GABRB3: variants seen among roughly 807,000 people sequenced by gnomAD.
GABRB3 encodes gamma-aminobutyric acid type A receptor subunit beta3, also known as gamma-aminobutyric acid receptor subunit beta-3.
Under a neutral mutation model 52.1 loss-of-function variants are expected in GABRB3, and 14 were observed. The ratio of observed to expected loss-of-function variants is 0.27; its 90% CI spans 0.18 to 0.42. The LOEUF (loss-of-function observed/expected upper bound fraction) is 0.42, where lower values mean the gene tolerates loss of function less well. GABRB3 is among the 10% of genes least tolerant of loss of function. GABRB3 has a pLI of 1.00. For synonymous variants in GABRB3, 260 were observed against 232.3 expected, an observed-to-expected ratio of 1.12 and a Z score of -1.08; for missense variants, 307 against 609.1, an observed-to-expected ratio of 0.50 and a Z score of 5.22.
At chr15:26,760,790 A>AAC (rs1221504374) in intron 3 of GABRB3, among the ~76,000 whole-genome samples, 3 of 101,372 alleles carry the variant, frequency 3.0e-5, no homozygotes, top group East Asian at 2.9e-4. Flanking sequence ...TCTAAATGCC[A>AAC]ACACACACAC....
rs553994180 is a variant in GABRB3 at position 26,546,601 on chromosome 15, G to T, written c.*1192C>A. On this transcript the variant is annotated 3_prime_UTR_variant, in exon 9 of 9. Transcript: ENST00000311550. ...GAAATATGTCAGATACAGAAATAAA[G>T]GCATGAGGATGATTCTTAGTTTCTG... 1 of 152,558 alleles carries T rather than the reference G, an allele frequency of 6.6e-6. No individual in the cohort carries two copies. The highest frequency in any genetic ancestry group is 2.1e-4 in the South Asian group (1 of 4,816). The allele number at this position is 152,558 out of a possible 1,614,324, so 9.5% of individuals were successfully genotyped here. A position where few individuals can be genotyped will look rare whatever the true frequency, so the allele number is the denominator to read the frequency against.
chr15:26,587,064 A>G (rs1891018877), intron 4 of GABRB3, among the ~76,000 whole-genome samples: 1 of 152,220 alleles, frequency 6.6e-6, no homozygotes, highest in African/African-American at 2.4e-5. Flanking sequence ...AAAAAATGTT[A>G]ATAATTTGAG....
intron 3 of GABRB3, among the ~76,000 whole-genome samples, chr15:26,718,501 G>A (rs930549001): frequency 1.3e-5 from 2 of 152,090 alleles, no homozygotes; most frequent in African/African-American, 2.4e-5. Context: ...GAGCCACCGC[G>A]CCCAGCCTTA....
chr15:26,689,886 G>A (rs937105419), intron 3 of GABRB3, among the ~76,000 whole-genome samples: 1 of 152,150 alleles, frequency 6.6e-6, no homozygotes, highest in Admixed American at 6.5e-5. Context: ...AGGCGTGCCT[G>A]ATCTCCCCTC....
At chr15:26,667,324 T>G (rs187541966) in intron 3 of GABRB3, among the ~76,000 whole-genome samples, 58 of 152,246 alleles carry the variant, frequency 3.8e-4, no homozygotes, top group African/African-American at 1.3e-3. Context: ...TTTTCTTATT[T>G]CTAGTAGGAT....
chr15:26,629,755 TAC>T (rs1892860870), intron 3 of GABRB3, among the ~76,000 whole-genome samples: 1 of 152,160 alleles, frequency 6.6e-6, no homozygotes, highest in Non-Finnish European at 1.5e-5. Context: ...TTTAGAAAAC[TAC>T]AGTCTTAGTG....
At chr15:26,709,674 C>T (rs1456214065) in intron 3 of GABRB3, among the ~76,000 whole-genome samples, 2 of 151,888 alleles carry the variant, frequency 1.3e-5, no homozygotes, top group African/African-American at 4.8e-5. Context: ...CCCACCACCA[C>T]GCCCAGCTAA....
At chr15:26,650,933 G>C (rs1290783005) in intron 3 of GABRB3, among the ~76,000 whole-genome samples, 1 of 152,106 alleles carries the variant, frequency 6.6e-6, no homozygotes, top group Non-Finnish European at 1.5e-5. Context: ...TCTCTACTGA[G>C]AGCCATGTTC....
At chr15:26,619,614 C>T (rs984812749) in intron 4 of GABRB3, among the ~76,000 whole-genome samples, 10 of 151,468 alleles carry the variant, frequency 6.6e-5, no homozygotes, top group Non-Finnish European at 1.5e-4. Context: ...CACATGTATA[C>T]ATATGTAACT....
chr15:26,663,427 A>G (rs898918741), intron 3 of GABRB3, among the ~76,000 whole-genome samples: 1 of 152,170 alleles, frequency 6.6e-6, no homozygotes, highest in Non-Finnish European at 1.5e-5. Context: ...CATATTTGGG[A>G]CTGCTATGTC....
At chr15:26,635,010 A>ATATATATATATATAGATATATATAT (rs10676156) in intron 3 of GABRB3, among the ~76,000 whole-genome samples, 1 of 74,882 alleles carries the variant, frequency 1.3e-5, no homozygotes, top group Non-Finnish European at 2.5e-5. Flanking sequence ...ATATATATAT[A>ATATATATATATATAGATATATATAT]ATATATATAT....
intron 8 of GABRB3, among the ~76,000 whole-genome samples, chr15:26,555,576 G>A (rs556924622): frequency 1.2e-3 from 180 of 152,286 alleles, no homozygotes; most frequent in Non-Finnish European, 2.1e-3. Flanking sequence ...CCCCACCTAT[G>A]TTGTTAATAA....
At chr15:26,586,686 C>CAAAAAA (rs1179931462) in intron 4 of GABRB3, among the ~76,000 whole-genome samples, 2 of 98,668 alleles carry the variant, frequency 2.0e-5, no homozygotes, top group Admixed American at 1.2e-4. Flanking sequence ...GACTCCATCT[C>CAAAAAA]AAAAAAAAAA....
Position 26,720,198 on chromosome 15 carries a change from C to G in GABRB3, c.240+52204G>C, listed in dbSNP as rs531153668. Reference sequence around the variant, plus strand: ...TGACTGTAATTTTCCTTTACCTACCCAAATCCTATAAAACGGCCCTACCCC... The same window carrying G: ...TGACTGTAATTTTCCTTTACCTACCGAAATCCTATAAAACGGCCCTACCCC... On this transcript the variant is annotated intron_variant, in intron 3 of 8. Transcript: ENST00000311550. Among the ~76,000 whole-genome samples the G allele has an allele frequency of 2.6e-5, 4 of 151,758 alleles. No individual in the cohort carries two copies. The East Asian group carries it at 7.8e-4, about 29-fold the overall frequency.
chr15:26,609,506 C>G (rs570534597), intron 4 of GABRB3, among the ~76,000 whole-genome samples: 1 of 152,256 alleles, frequency 6.6e-6, no homozygotes, highest in Admixed American at 6.6e-5. Flanking sequence ...TCTCATAAGT[C>G]AGTCAAAACT....
chr15:26,663,103 C>T (rs1025947961), intron 3 of GABRB3, among the ~76,000 whole-genome samples: 1 of 152,066 alleles, frequency 6.6e-6, no homozygotes, highest in Non-Finnish European at 1.5e-5. Flanking sequence ...AATCTCATCA[C>T]ATGTATAGGT....
At chr15:26,726,055 G>C (rs1036633670) in intron 3 of GABRB3, among the ~76,000 whole-genome samples, 16 of 152,112 alleles carry the variant, frequency 1.1e-4, no homozygotes, top group African/African-American at 3.6e-4. Context: ...GGGAAATCTG[G>C]GTGTGCTGGG....
chr15:26,591,937 T>C (rs1566763111), intron 4 of GABRB3, among the ~76,000 whole-genome samples: 1 of 151,986 alleles, frequency 6.6e-6, no homozygotes, highest in Admixed American at 6.5e-5. Context: ...TGGTAGCTAC[T>C]GTACTATGCA....
intron 3 of GABRB3, among the ~76,000 whole-genome samples, chr15:26,696,281 G>C (rs1441272949): frequency 1.3e-5 from 2 of 151,958 alleles, no homozygotes; most frequent in Non-Finnish European, 2.9e-5. Context: ...AATGCCTCCT[G>C]TGACTAGGCA....
Sources: allele counts gnomAD v4.1 joint callset (sites outside exome capture counted in the v4.1 genomes callset), GRCh38; gene constraint gnomAD v4.1.1; transcripts MANE v1.5; gene names NCBI Gene and HGNC (gene_info 2026-07-23, HGNC 2026-07-21).